Variants in NOVA1 observed in about 807,000 individuals in gnomAD.
The protein encoded by NOVA1 is NOVA alternative splicing regulator 1.
In NOVA1, 7 loss-of-function variants were observed where a neutral mutation model predicts 38.0. The observed-to-expected ratio is 0.18, with a 90% CI of 0.10 to 0.35. The LOEUF (loss-of-function observed/expected upper bound fraction) is 0.35, where lower values mean the gene tolerates loss of function less well. Among genes scored for constraint, NOVA1 ranks in the 10% least tolerant of loss-of-function variants. The probability of loss-of-function intolerance (pLI) is 1.00; values close to 1 mark genes in which losing one functional copy is unlikely to be tolerated. For synonymous variants in NOVA1, 270 were observed against 232.5 expected (o/e 1.16, Z -1.47); for missense variants, 460 against 616.0 (o/e 0.75, Z 2.68).
chr14:26,521,591 T>G (rs1888901500), intron 2 of NOVA1, among the ~76,000 whole-genome samples: 1 of 152,068 alleles, frequency 6.6e-6, no homozygotes. Flanking sequence ...CGTATAAATA[T>G]ATTTCATTCT....
intron 2 of NOVA1, among the ~76,000 whole-genome samples, chr14:26,592,509 C>T (rs978020779): frequency 6.6e-6 from 1 of 151,236 alleles, no homozygotes; most frequent in African/African-American, 2.4e-5. Flanking sequence ...AAATGATCTA[C>T]TTGTAGATCA....
intron 4 of NOVA1, among the ~76,000 whole-genome samples, chr14:26,458,778 A>G (rs1883396267): frequency 6.6e-6 from 1 of 152,082 alleles, no homozygotes; most frequent in Non-Finnish European, 1.5e-5. Context: ...TACCCATGCA[A>G]AAAACCTGTA....
chr14:26,479,817 G>A (rs949865695), intron 3 of NOVA1, 160 bp downstream of exon 3: 1 of 665,332 alleles, frequency 1.5e-6, no homozygotes, highest in Non-Finnish European at 2.5e-6. Context: ...TCAATCTAAG[G>A]ATGAGACCTT....
rs143687190 is a variant in NOVA1, at chr14:26,548,849, A to G, written c.280+46561T>C. ...GAGCAGAGCACAGTGGCTCACACCTATAATCCCAGCACTTCAGGAGACCAA... is the reference window on the plus strand; with the variant it reads ...GAGCAGAGCACAGTGGCTCACACCTGTAATCCCAGCACTTCAGGAGACCAA... On this transcript the variant is annotated intron_variant, in intron 2 of 4. Transcript: ENST00000539517. Among the ~76,000 whole-genome samples the G allele has an allele frequency of 1.9e-3, 291 of 152,084 alleles. 1 individual carries two copies. The highest frequency in any genetic ancestry group is 6.9e-3 in the African/African-American group (288 of 41,524).
chr14:26,490,913 A>G (rs1020893733), intron 2 of NOVA1, among the ~76,000 whole-genome samples: 7 of 144,548 alleles, frequency 4.8e-5, no homozygotes, highest in Non-Finnish European at 9.0e-5. Context: ...GCAGTGGCGC[A>G]ATCTCGGCTC....
intron 2 of NOVA1, among the ~76,000 whole-genome samples, chr14:26,585,507 A>G (rs1868733272): frequency 6.6e-6 from 1 of 151,328 alleles, no homozygotes; most frequent in African/African-American, 2.4e-5. Context: ...CTTAGTAAGC[A>G]TACTTCTAAT....
chr14:26,448,531 C>A lies in NOVA1; in HGVS notation c.952G>T (p.Ala318Ser). 1.2e-6 allele frequency: 2 copies of A among 1,614,152 alleles called. No individual in the cohort carries two copies. The highest frequency in any genetic ancestry group is 1.1e-5 in the South Asian group (1 of 91,084). The stretch of plus-strand genomic sequence containing the variant: ...CCATAGCTGGCTAATGTATTAAGTG[C>A]AGAGGTGATGGCCACCAGGTCATTG... ...TGNDLVAITS[A>S]LNTLASYGYN... The change falls in exon 5 of 5, where the codon GCA becomes TCA. Residue 318 changes from alanine (A) to serine (S), a missense_variant. By Grantham distance (99) the Ala-to-Ser change is moderately conservative. Coordinates refer to ENST00000539517, the MANE Select transcript of NOVA1 (RefSeq NM_002515.3). This position sits in a 1 kb window ranked among gnomAD's most constrained non-coding sequence, Gnocchi z 5.3.
chr14:26,451,203 T>G (rs1292756574), intron 4 of NOVA1, among the ~76,000 whole-genome samples: 2 of 152,106 alleles, frequency 1.3e-5, no homozygotes, highest in Non-Finnish European at 2.9e-5. Context: ...ATTATATATG[T>G]TTTTTCACAG....
At chr14:26,530,383 T>A (rs1889621011) in intron 2 of NOVA1, among the ~76,000 whole-genome samples, 2 of 152,174 alleles carry the variant, frequency 1.3e-5, no homozygotes, top group African/African-American at 4.8e-5. Context: ...GAAAGATTTA[T>A]CAAACATTCT....
chr14:26,581,579 T>C (rs1893226662), intron 2 of NOVA1, among the ~76,000 whole-genome samples: 1 of 151,976 alleles, frequency 6.6e-6, no homozygotes, highest in African/African-American at 2.4e-5. Flanking sequence ...ACAAGTCTGG[T>C]CAGCTGAAAA....
intron 3 of NOVA1, among the ~76,000 whole-genome samples, chr14:26,474,447 G>A (rs1358090003): frequency 6.6e-6 from 1 of 151,790 alleles, no homozygotes; most frequent in Non-Finnish European, 1.5e-5. Flanking sequence ...ATATCGAATG[G>A]CTCAGAATTT....
chr14:26,496,181 T>C lies in NOVA1; in HGVS notation c.281-16038A>G, dbSNP rs1027318051. 2.7e-4 allele frequency among the ~76,000 whole-genome samples: 41 copies of C among 151,848 alleles called. No individual in the cohort carries two copies. In the East Asian group the frequency reaches 7.2e-3, roughly 27 times the overall value. ...CTGTTGTTTCCTGACTTTTTAATGA[T>C]TGCCATTCTAACTGGTGTGAGATGA... On this transcript the variant is annotated intron_variant, in intron 2 of 4. Transcript: ENST00000539517.
intron 2 of NOVA1, among the ~76,000 whole-genome samples, chr14:26,532,602 A>G (rs1010813365): frequency 6.6e-6 from 1 of 152,174 alleles, no homozygotes; most frequent in African/African-American, 2.4e-5. Flanking sequence ...TTTTGGCATG[A>G]TGGAAATATA....
intron 2 of NOVA1, among the ~76,000 whole-genome samples, chr14:26,586,304 C>T (rs886438532): frequency 3.3e-5 from 5 of 151,270 alleles, no homozygotes; most frequent in African/African-American, 1.2e-4. Flanking sequence ...ACTGAGTAGA[C>T]CAATTTAATG....
At chr14:26,533,495 A>G (rs1406438836) in intron 2 of NOVA1, among the ~76,000 whole-genome samples, 1 of 152,232 alleles carries the variant, frequency 6.6e-6, no homozygotes, top group East Asian at 1.9e-4. Context: ...GGAATAATCC[A>G]TAATACAGCT....
At chr14:26,493,993 T>C (rs191534887) in intron 2 of NOVA1, among the ~76,000 whole-genome samples, 1 of 152,316 alleles carries the variant, frequency 6.6e-6, no homozygotes, top group Admixed American at 6.5e-5. Flanking sequence ...TAACTCTAAC[T>C]GCCCATCTTC....
Position 26,595,411 on chromosome 14 carries a change from T to A in NOVA1, c.279A>T (p.Pro93=). 6.2e-7 allele frequency: 1 copy of A among 1,613,396 alleles called. No individual in the cohort carries two copies. Among genetic ancestry groups the A allele is most frequent in the Non-Finnish European group, 8.5e-7 (1 of 1,179,676 alleles). ...CAATCTCTTCACCATTGCACCTACC[T>A]GGGTAAAAATCTTTGGACTTAGACA... ...IKLSKSKDFY[P]GTTERVCLIQ... Residue 93 remains proline (P), a splice_region_variant and synonymous_variant, in exon 2 of 5, where the codon CCA becomes CCT. Coordinates refer to ENST00000539517, the MANE Select transcript of NOVA1 (RefSeq NM_002515.3).
intron 2 of NOVA1, among the ~76,000 whole-genome samples, chr14:26,563,229 T>C (rs1237403921): frequency 6.6e-6 from 1 of 150,492 alleles, no homozygotes; most frequent in African/African-American, 2.4e-5. Context: ...GGAAATACAA[T>C]ACAAAGAGCA....
chr14:26,541,569 T>C (rs1426089046), intron 2 of NOVA1, among the ~76,000 whole-genome samples: 1 of 147,760 alleles, frequency 6.8e-6, no homozygotes, highest in Non-Finnish European at 1.5e-5. Context: ...ACATACTAGA[T>C]GCATGCCAAA....
Sources: gnomAD v4.1 joint callset for allele counts (sites outside exome capture counted in the v4.1 genomes callset) on GRCh38, gnomAD v4.1.1 for gene constraint, Gnocchi (gnomAD v3.1) non-coding constraint, MANE v1.5 for transcripts, NCBI Gene and HGNC (gene_info 2026-07-23, HGNC 2026-07-21) for gene names.